PPIL6: variants seen among roughly 807,000 people sequenced by gnomAD.
The protein encoded by PPIL6 is peptidylprolyl isomerase like 6, also known as probable inactive peptidyl-prolyl cis-trans isomerase-like 6.
PPIL6 carries 39 observed loss-of-function variants against 36.8 expected under a neutral mutation model. The ratio of observed to expected loss-of-function variants is 1.06; its 90% CI spans 0.82 to 1.38. The LOEUF (loss-of-function observed/expected upper bound fraction) is 1.38, where lower values mean the gene tolerates loss of function less well. Ranked by LOEUF, PPIL6 falls within the 40% of genes most tolerant of loss-of-function variation. The probability of loss-of-function intolerance (pLI) is 0.00; values close to 1 mark genes in which losing one functional copy is unlikely to be tolerated. For synonymous variants in PPIL6, 123 were observed against 134.1 expected (o/e 0.92, Z 0.57); for missense variants, 368 against 379.1 (o/e 0.97, Z 0.24).
At chr6:109,436,939 T>C (rs1298551819) in intron 1 of PPIL6, among the ~76,000 whole-genome samples, 1 of 152,226 alleles carries the variant, frequency 6.6e-6, no homozygotes, top group African/African-American at 2.4e-5. Flanking sequence ...ACAGATACTT[T>C]ACTTATAACT....
intron 7 of PPIL6, among the ~76,000 whole-genome samples, chr6:109,397,078 T>A (rs1448343660): frequency 6.7e-6 from 1 of 149,496 alleles, no homozygotes; most frequent in Non-Finnish European, 1.5e-5. Context: ...GCCTATTATG[T>A]TTTACATTTC....
Position 109,440,607 on chromosome 6 carries a change from G to A in PPIL6, c.-17C>T. The A allele has an allele frequency of 7.5e-7, 1 of 1,328,778 alleles. No homozygotes were observed. Among genetic ancestry groups the A allele is most frequent in the Non-Finnish European group, 9.6e-7 (1 of 1,041,590 alleles). The allele number at this position is 1,328,778 out of a possible 1,614,324, so 82.3% of individuals were successfully genotyped here. ...CCTTGCCATGGCCGCGCCCGGGGAC[G>A]CCCGGTGACCCCAAACACTGCGCGT... On this transcript the variant is annotated 5_prime_UTR_variant, in exon 1 of 8. Coordinates refer to ENST00000521072, the MANE Select transcript of PPIL6 (RefSeq NM_173672.5).
intron 7 of PPIL6, among the ~76,000 whole-genome samples, chr6:109,396,024 A>G (rs944178981): frequency 1.3e-5 from 2 of 151,634 alleles, no homozygotes; most frequent in Non-Finnish European, 2.9e-5. Context: ...TTTAGTAGAG[A>G]TGAGGTTTCA....
rs1349720713 is a variant in PPIL6 at position 109,413,957 on chromosome 6, G to A, written c.688+5230C>T. Among the ~76,000 whole-genome samples the A allele has an allele frequency of 6.6e-6, 1 of 152,086 alleles. No individual in the cohort carries two copies. Among genetic ancestry groups the A allele is most frequent in the East Asian group, 1.9e-4 (1 of 5,204 alleles). On this transcript the variant is annotated intron_variant, in intron 6 of 7. Transcript: ENST00000521072. This position sits in a 1 kb window ranked among gnomAD's most constrained non-coding sequence, Gnocchi z 4.6. ...GACGAGAGTAGAAGGATGGTTACCA[G>A]AAACTGGGAAGGGTAGTGAGGGTTA...
At position 109,436,084 on chromosome 6, in the gene PPIL6, A is replaced by G. The variant is rs749142064; in HGVS notation, c.231+20T>C. 1.5e-5 allele frequency: 20 copies of G among 1,345,812 alleles called. No homozygotes were observed. In the South Asian group the frequency reaches 2.2e-4, roughly 14 times the overall value. 83.4% of individuals were successfully genotyped at this position (1,345,812 alleles called of 1,614,324 possible). A position where few individuals can be genotyped will look rare whatever the true frequency, so the allele number is the denominator to read the frequency against. On this transcript the variant is annotated intron_variant, in intron 2 of 7. Coordinates refer to ENST00000521072, the MANE Select transcript of PPIL6 (RefSeq NM_173672.5). ...ACTTGGCTTGTTGTCTATATCCCCC[A>G]CACCCCAAATATCCTTTACCCTTTT...
In PPIL6 at chr6:109,391,528, G is replaced by C. The variant is rs1382468297; in HGVS notation, c.*1298C>G. ...CTGGGGAAAGAGCTAAATGAACACA[G>C]AATCTGTGCCCCACGCCTGGGAACC... On this transcript the variant is annotated 3_prime_UTR_variant, in exon 8 of 8. Transcript: ENST00000521072. 2 of 151,894 alleles carry C rather than the reference G, an allele frequency of 1.3e-5. No homozygotes were observed. Among genetic ancestry groups the C allele is most frequent in the Non-Finnish European group, 2.9e-5 (2 of 68,004 alleles). 9.4% of individuals were successfully genotyped at this position (151,894 alleles called of 1,614,324 possible).
chr6:109,437,859 C>T (rs1367819790), intron 1 of PPIL6, among the ~76,000 whole-genome samples: 2 of 152,144 alleles, frequency 1.3e-5, no homozygotes, highest in East Asian at 1.9e-4. Context: ...CGTGAGCCAC[C>T]GCACCTGGCC....
chr6:109,396,494 C>A (rs775950527), intron 7 of PPIL6, among the ~76,000 whole-genome samples: 2 of 152,076 alleles, frequency 1.3e-5, no homozygotes, highest in Non-Finnish European at 2.9e-5. Context: ...AGATAAGATG[C>A]TCTCTTACTC....
chr6:109,419,844 T>G (rs550936299), intron 5 of PPIL6, among the ~76,000 whole-genome samples: 1 of 152,338 alleles, frequency 6.6e-6, no homozygotes, highest in East Asian at 1.9e-4. Flanking sequence ...TTGTATTTTA[T>G]AAGCACTTTT....
chr6:109,400,495 G>A (rs557911395), intron 6 of PPIL6, among the ~76,000 whole-genome samples: 8 of 152,204 alleles, frequency 5.3e-5, no homozygotes, highest in African/African-American at 1.9e-4. Context: ...AAACTTTCTC[G>A]TGCTGTTTTG....
chr6:109,424,382 T>C (rs550590219), intron 5 of PPIL6, among the ~76,000 whole-genome samples: 34 of 151,976 alleles, frequency 2.2e-4, no homozygotes, highest in Non-Finnish European at 4.3e-4. Context: ...GAAGATAAGA[T>C]GTGAGGAGGA....
Position 109,421,675 on chromosome 6 carries a change from G to A in PPIL6, c.632-2432C>T, listed in dbSNP as rs952507852. 5.9e-5 allele frequency among the ~76,000 whole-genome samples: 9 copies of A among 152,242 alleles called. No homozygotes were observed. The South Asian group carries it at 1.0e-3, about 18-fold the overall frequency. On this transcript the variant is annotated intron_variant, in intron 5 of 7. Coordinates refer to ENST00000521072, the MANE Select transcript of PPIL6 (RefSeq NM_173672.5). The stretch of plus-strand genomic sequence containing the variant: ...AACGTCTTATGAATAGAGGAAATGC[G>A]GTAAGGGCCTTTGGTGTTCTAGTTC...
intron 6 of PPIL6, among the ~76,000 whole-genome samples, chr6:109,405,932 A>G (rs115107776): frequency 2.6e-3 from 392 of 152,272 alleles, no homozygotes; most frequent in African/African-American, 9.2e-3. Flanking sequence ...TTTTTGGGCT[A>G]CTATCCTGTT....
At chr6:109,396,466 C>G (rs1582519895) in intron 7 of PPIL6, among the ~76,000 whole-genome samples, 1 of 152,202 alleles carries the variant, frequency 6.6e-6, no homozygotes, top group Admixed American at 6.5e-5. Flanking sequence ...CAAGCTCTGC[C>G]CAGAACAGAT....
rs551464301 is a variant in PPIL6 at position 109,410,784 on chromosome 6, G to A, written c.688+8403C>T. Among the ~76,000 whole-genome samples the A allele has an allele frequency of 5.9e-5, 9 of 152,254 alleles. 1 individual carries two copies. Among genetic ancestry groups the A allele is most frequent in the Middle Eastern group, 6.8e-3 (2 of 294 alleles). On this transcript the variant is annotated intron_variant, in intron 6 of 7. Transcript: ENST00000521072. ...AAATGGGATTCTACTTGTAAGTGAG[G>A]AGACCACATATGGTGCCTTCTGGAT...
At chr6:109,436,733 A>T (rs1051339751) in intron 1 of PPIL6, among the ~76,000 whole-genome samples, 1 of 152,120 alleles carries the variant, frequency 6.6e-6, no homozygotes, top group Non-Finnish European at 1.5e-5. Context: ...AAAACAAAAA[A>T]CAAAAAAACA....
chr6:109,394,370 CAAAAA>C (rs560635029), intron 7 of PPIL6, among the ~76,000 whole-genome samples: 1 of 50,280 alleles, frequency 2.0e-5, no homozygotes, highest in Admixed American at 2.2e-4. Flanking sequence ...AGACTTATCT[CAAAAA>C]AAAAAAAAAA....
In PPIL6 at chr6:109,436,093, A is replaced by G; in HGVS notation, c.231+11T>C. The G allele has an allele frequency of 6.9e-7, 1 of 1,452,300 alleles. No homozygotes were observed. Among genetic ancestry groups the G allele is most frequent in the Admixed American group, 1.7e-5 (1 of 59,522 alleles). 90.0% of individuals were successfully genotyped at this position (1,452,300 alleles called of 1,614,324 possible). A position where few individuals can be genotyped will look rare whatever the true frequency, so the allele number is the denominator to read the frequency against. On this transcript the variant is annotated intron_variant, in intron 2 of 7. Transcript: ENST00000521072. ...GTTGTCTATATCCCCCACACCCCAA[A>G]TATCCTTTACCCTTTTTTTCTCCTG... is the stretch of plus-strand genomic sequence containing the variant.
intron 6 of PPIL6, among the ~76,000 whole-genome samples, chr6:109,408,758 CTCTT>C: frequency 6.6e-6 from 1 of 152,252 alleles, no homozygotes; most frequent in East Asian, 1.9e-4. Flanking sequence ...GTTAAATCTC[CTCTT>C]TCTTTAATAT....
Sources: allele counts gnomAD v4.1 joint callset (sites outside exome capture counted in the v4.1 genomes callset), GRCh38; gene constraint gnomAD v4.1.1; non-coding constraint Gnocchi (gnomAD v3.1); transcripts MANE v1.5; gene names NCBI Gene and HGNC (gene_info 2026-07-23, HGNC 2026-07-21).